The following SCAF8 variants were observed in gnomAD, a reference collection of about 807,000 sequenced individuals.
SCAF8 encodes the protein SR-related and CTD-associated factor 8.
SCAF8 carries 23 observed loss-of-function variants against 140.5 expected under a neutral mutation model. The observed-to-expected ratio is 0.16, with a 90% CI of 0.12 to 0.23. The LOEUF (loss-of-function observed/expected upper bound fraction) is 0.23, where lower values mean the gene tolerates loss of function less well. Among genes scored for constraint, SCAF8 ranks in the 10% least tolerant of loss-of-function variants. The pLI is 1.00. For missense variants in SCAF8, 1,397 were observed against 1,555.7 expected (o/e 0.90, Z 1.72); for synonymous variants, 575 against 528.9 (o/e 1.09, Z -1.20).
At chr6:154,747,185 CTT>C (rs772927800) in intron 1 of SCAF8, among the ~76,000 whole-genome samples, 1 of 152,122 alleles carries the variant, frequency 6.6e-6, no homozygotes, top group African/African-American at 2.4e-5. Context: ...TTGTGGGCCT[CTT>C]TGTATATTCT....
chr6:154,733,545 G>A lies in SCAF8; in HGVS notation c.-356G>A, dbSNP rs547158722. 787 of 1,293,950 alleles carry A rather than the reference G, an allele frequency of 6.1e-4. 4 individuals are homozygous for A. In the African/African-American group the frequency reaches 0.011, roughly 18 times the overall value. The allele number at this position is 1,293,950 out of a possible 1,614,324, so 80.2% of individuals were successfully genotyped here. ...TCGGAGGAAGGGGCAGAAGGGAGTG[G>A]AGAGTGTAGGGGAAGGGGCTAGAGG... On this transcript the variant is annotated 5_prime_UTR_variant, in exon 1 of 20. An upstream open reading frame in the 5' UTR gains an earlier in-frame stop. Coordinates refer to ENST00000367178, the MANE Select transcript of SCAF8 (RefSeq NM_014892.5).
intron 19 of SCAF8, 80 bp from the exon 20 acceptor site, chr6:154,831,859 T>C (rs778828661): frequency 6.3e-5 from 75 of 1,186,638 alleles, no homozygotes; most frequent in Non-Finnish European, 7.7e-5. Context: ...TATTGGGGGA[T>C]ACAAGTAGCT....
At chr6:154,817,603 G>T (rs987827854) in intron 13 of SCAF8, among the ~76,000 whole-genome samples, 2 of 152,136 alleles carry the variant, frequency 1.3e-5, no homozygotes, top group African/African-American at 4.8e-5. Context: ...AGATAAAGAA[G>T]AATGTCAAGG....
At chr6:154,767,423 T>A (rs558614503) in intron 1 of SCAF8, among the ~76,000 whole-genome samples, 1 of 151,950 alleles carries the variant, frequency 6.6e-6, no homozygotes, top group South Asian at 2.1e-4. Flanking sequence ...TGCAAAAACC[T>A]GTTCAGGGAG....
chr6:154,796,166 A>C (rs1046328900), intron 6 of SCAF8, among the ~76,000 whole-genome samples: 1 of 152,076 alleles, frequency 6.6e-6, no homozygotes, highest in African/African-American at 2.4e-5. Context: ...TCATAGAAAT[A>C]CCTCATTTTT....
Position 154,795,093 on chromosome 6 carries a change from C to G in SCAF8, c.560C>G (p.Thr187Arg). Residue 187 changes from threonine (T) to arginine (R), a missense_variant, in exon 6 of 20, where the codon ACA (threonine) becomes AGA (arginine). By Grantham distance (71) the Thr-to-Arg change is moderately conservative (BLOSUM62 -1). Transcript: ENST00000367178. ...GTATCTCAGATAACAAATACAGATA[C>G]ACTTGCGGCTGTAGCTCAGATCTTG... Reference protein sequence around the residue: ...PWVSQITNTDTLAAVAQILQS... With the variant: ...PWVSQITNTDRLAAVAQILQS... The G allele has an allele frequency of 1.2e-6, 2 of 1,613,572 alleles. No individual in the cohort carries two copies. Among genetic ancestry groups the G allele is most frequent in the Non-Finnish European group, 1.7e-6 (2 of 1,179,806 alleles).
intron 1 of SCAF8, among the ~76,000 whole-genome samples, chr6:154,755,177 C>G (rs1778934863): frequency 6.6e-6 from 1 of 152,148 alleles, no homozygotes. Context: ...TTGTTGCAGT[C>G]AGTTTTTAAT....
Position 154,741,377 on chromosome 6 carries a change from A to G in SCAF8, c.30+7447A>G, listed in dbSNP as rs1010382429. On this transcript the variant is annotated intron_variant, in intron 1 of 19. Transcript: ENST00000367178. The stretch of plus-strand genomic sequence containing the variant: ...AACATTTAGGGGACTTTATAGCCCC[A>G]GTGTCCCAAAGAGTCATATTCTATG... Among the ~76,000 whole-genome samples the G allele has an allele frequency of 5.3e-5, 8 of 152,122 alleles. No individual in the cohort carries two copies. In the East Asian group the frequency reaches 1.5e-3, roughly 29 times the overall value.
At chr6:154,745,872 G>A (rs952720519) in intron 1 of SCAF8, among the ~76,000 whole-genome samples, 1 of 151,740 alleles carries the variant, frequency 6.6e-6, no homozygotes, top group African/African-American at 2.4e-5. Flanking sequence ...TGAACTCGTG[G>A]TGTTTTTTGT....
In SCAF8 at chr6:154,819,255, TA is replaced by T. The variant is rs966724507; in HGVS notation, c.1635+666del. 6.0e-4 allele frequency among the ~76,000 whole-genome samples: 91 copies of T among 152,304 alleles called. 1 individual carries two copies. The highest frequency in any genetic ancestry group is 2.0e-3 in the African/African-American group (83 of 41,576). On this transcript the variant is annotated intron_variant, in intron 14 of 19. Coordinates refer to ENST00000367178, the MANE Select transcript of SCAF8 (RefSeq NM_014892.5). Reference sequence around the variant, plus strand: ...TCATGACTGAGTTTCTTGTGTAAACTAAAGTGTCCCTAGTCTCCTCTGGAAT... The same window carrying T: ...TCATGACTGAGTTTCTTGTGTAAACTAAGTGTCCCTAGTCTCCTCTGGAAT...
chr6:154,763,129 GT>G (rs1259274688), intron 1 of SCAF8, among the ~76,000 whole-genome samples: 5 of 152,144 alleles, frequency 3.3e-5, no homozygotes, highest in Non-Finnish European at 5.9e-5. Context: ...TTTTCTGGAA[GT>G]TTGTCACATC....
chr6:154,818,269 T>C (rs192407152), intron 13 of SCAF8, among the ~76,000 whole-genome samples: 1 of 152,332 alleles, frequency 6.6e-6, no homozygotes, highest in Admixed American at 6.5e-5. Flanking sequence ...AATTGAGTTC[T>C]GAATTTTGGG....
intron 1 of SCAF8, chr6:154,742,022 AGAT>A (rs771626879): frequency 5.9e-6 from 9 of 1,529,426 alleles, no homozygotes; most frequent in Admixed American, 3.9e-5. Flanking sequence ...AAGCATAGTA[AGAT>A]GATGATAACC....
intron 3 of SCAF8, among the ~76,000 whole-genome samples, chr6:154,786,557 T>C (rs929538744): frequency 2.0e-5 from 3 of 152,228 alleles, no homozygotes; most frequent in African/African-American, 7.2e-5. Context: ...AAATATTTTG[T>C]TTCTGAGTCA....
chr6:154,775,741 A>G (rs1347209187), intron 2 of SCAF8, among the ~76,000 whole-genome samples: 2 of 152,006 alleles, frequency 1.3e-5, no homozygotes. Context: ...CTTGGCTCTT[A>G]AAGTTTTTTT....
At position 154,751,610 on chromosome 6, in the gene SCAF8, C is replaced by T. The variant is rs761687122; in HGVS notation, c.30+17680C>T. 4.6e-5 allele frequency among the ~76,000 whole-genome samples: 7 copies of T among 152,276 alleles called. No homozygotes were observed. The East Asian group carries it at 1.3e-3, about 29-fold the overall frequency. ...GAATCAAGATTCAGAAATGATTAAA[C>T]TTGTTCAGTCATACCTTTACTAGGT... On this transcript the variant is annotated intron_variant, in intron 1 of 19. Coordinates refer to ENST00000367178, the MANE Select transcript of SCAF8 (RefSeq NM_014892.5).
Position 154,808,151 on chromosome 6 carries a change from T to C in SCAF8, c.1063T>C (p.Phe355Leu), listed in dbSNP as rs1218371972. 1 of 1,614,020 alleles carries C rather than the reference T, an allele frequency of 6.2e-7. No homozygotes were observed. The highest frequency in any genetic ancestry group is 1.1e-5 in the South Asian group (1 of 91,086). The change falls in exon 10 of 20, where the codon TTT becomes CTT. Residue 355 changes from phenylalanine to leucine, a missense_variant. Around this residue, in one of 5 missense-constraint regions of SCAF8, gnomAD observed 339 missense variants for 407.5 expected, o/e 0.83. Coordinates refer to ENST00000367178, the MANE Select transcript of SCAF8 (RefSeq NM_014892.5). ...ATCACAAGGGAGTAGTCAGCAGCAT[T>C]TTCTTGAACCTGAAGTCAATTTGGA... Reference protein sequence around the residue: ...SPSQGSSQQHFLEPEVNLDDS... With the variant: ...SPSQGSSQQHLLEPEVNLDDS...
chr6:154,801,736 C>T (rs972055850), intron 6 of SCAF8, among the ~76,000 whole-genome samples: 1 of 151,422 alleles, frequency 6.6e-6, no homozygotes, highest in African/African-American at 2.4e-5. Flanking sequence ...CTGGTTGTCA[C>T]AGATCACTTT....
chr6:154,745,766 A>G (rs1033695958), intron 1 of SCAF8, among the ~76,000 whole-genome samples: 21 of 152,170 alleles, frequency 1.4e-4, no homozygotes, highest in South Asian at 4.1e-4. Context: ...TGATTGCCAC[A>G]TGGTGATTTT....
Sources: allele counts gnomAD v4.1 joint callset (sites outside exome capture counted in the v4.1 genomes callset), GRCh38; gene constraint gnomAD v4.1.1; regional missense constraint gnomAD v4.1.1; transcripts MANE v1.5; gene names NCBI Gene and HGNC (gene_info 2026-07-23, HGNC 2026-07-21).